CENPE: variants seen among roughly 807,000 people sequenced by gnomAD.
The protein encoded by CENPE is centromere protein E.
Under a neutral mutation model 336.1 loss-of-function variants are expected in CENPE, and 145 were observed. That is an observed-to-expected ratio of 0.43 (90% CI 0.38 to 0.50). The LOEUF (loss-of-function observed/expected upper bound fraction) is 0.50, where lower values mean the gene tolerates loss of function less well. Ranked by LOEUF, CENPE falls within the 20% of genes least tolerant of loss-of-function variation. The pLI is 0.00. For missense variants in CENPE, 2,719 were observed against 3,023.3 expected, an observed-to-expected ratio of 0.90 and a Z score of 2.36; for synonymous variants, 1,013 against 984.8, an observed-to-expected ratio of 1.03 and a Z score of -0.54.
intron 21 of CENPE, among the ~76,000 whole-genome samples, chr4:103,159,583 A>T (rs1754261096): frequency 6.6e-6 from 1 of 151,832 alleles, no homozygotes; most frequent in African/African-American, 2.4e-5. Flanking sequence ...AAAGGCACAT[A>T]ATCAGATTGT....
chr4:103,177,186 G>T, intron 13 of CENPE, 140 bp from the exon 14 acceptor site: 3 of 621,110 alleles, frequency 4.8e-6, no homozygotes, highest in South Asian at 2.5e-5. Context: ...ATTAGTCTAA[G>T]GATATTGCTT....
intron 24 of CENPE, among the ~76,000 whole-genome samples, chr4:103,155,850 T>A (rs1363093971): frequency 6.6e-6 from 1 of 152,190 alleles, no homozygotes; most frequent in Non-Finnish European, 1.5e-5. Context: ...ATCAATTGGA[T>A]CTTACTGAAT....
At chr4:103,145,434 T>C in intron 31 of CENPE, 89 bp downstream of exon 31, 1 of 1,406,322 alleles carries the variant, frequency 7.1e-7, no homozygotes, top group Non-Finnish European at 9.7e-7. Flanking sequence ...CCCAAAACAA[T>C]TAAGCATGCC....
Position 103,130,911 on chromosome 4 carries a change from G to GAAA in CENPE, c.6924+1779_6924+1781dup, listed in dbSNP as rs59305096. On this transcript the variant is annotated intron_variant, in intron 42 of 48. Transcript: ENST00000265148. The stretch of plus-strand genomic sequence containing the variant: ...GTGCTGAATCTGGACTTCTACAAGC[G>GAAA]AAAAAAAAAAAAAAAAGACCTTAAG... Among the ~76,000 whole-genome samples the GAAA allele has an allele frequency of 2.4e-3, 252 of 106,730 alleles. 2 individuals are homozygous for GAAA. Among genetic ancestry groups the GAAA allele is most frequent in the South Asian group, 8.0e-3 (27 of 3,392 alleles). 70.0% of individuals were successfully genotyped at this position (106,730 alleles called of 152,430 possible).
At chr4:103,149,848 G>T (rs1753395793) in intron 26 of CENPE, among the ~76,000 whole-genome samples, 1 of 152,136 alleles carries the variant, frequency 6.6e-6, no homozygotes, top group Non-Finnish European at 1.5e-5. Flanking sequence ...GCCTTCAGAG[G>T]GAATATGGTA....
At position 103,153,032 on chromosome 4, in the gene CENPE, A is replaced by G; in HGVS notation, c.3237+15T>C. 6.4e-7 allele frequency: 1 copy of G among 1,571,306 alleles called. No homozygotes were observed. Among genetic ancestry groups the G allele is most frequent in the South Asian group, 1.2e-5 (1 of 86,004 alleles). The stretch of plus-strand genomic sequence containing the variant: ...GACAAAAAGGTAATGCCAAGTATAC[A>G]GTGCTAAATCCTACCATTTCAATAT... On this transcript the variant is annotated intron_variant, in intron 25 of 48. Transcript: ENST00000265148.
At chr4:103,175,241 A>C (rs1427064507) in intron 15 of CENPE, among the ~76,000 whole-genome samples, 2 of 151,990 alleles carry the variant, frequency 1.3e-5, no homozygotes, top group South Asian at 2.1e-4. Flanking sequence ...GGAAACAGAG[A>C]TATTATTTAT....
At position 103,196,007 on chromosome 4, in the gene CENPE, T is replaced by C; in HGVS notation, c.270A>G (p.Ser90=). 6.2e-7 allele frequency: 1 copy of C among 1,613,750 alleles called. No individual in the cohort carries two copies. The highest frequency in any genetic ancestry group is 8.5e-7 in the Non-Finnish European group (1 of 1,179,738). ...AACCCATCATGGTATATGTTTTTCC[T>C]GAAGCAGTCTGTCCATAGGCAAATA... ...GTIFAYGQTA[S]GKTYTMMGSE... Residue 90 remains serine (S), a synonymous_variant, in exon 4 of 49, where the codon TCA becomes TCG. Transcript: ENST00000265148.
At chr4:103,182,053 C>T (rs1365994603) in intron 11 of CENPE, 4 of 152,110 alleles carry the variant, frequency 2.6e-5, no homozygotes, top group Non-Finnish European at 1.5e-5. Context: ...GAGAAAGCTA[C>T]CCTACTGATA....
At chr4:103,139,248 T>A (rs1440305802) in intron 38 of CENPE, among the ~76,000 whole-genome samples, 2 of 152,146 alleles carry the variant, frequency 1.3e-5, no homozygotes, top group African/African-American at 4.8e-5. Flanking sequence ...TAAAAAAGAT[T>A]TTTACAGATT....
chr4:103,161,279 A>G, intron 19 of CENPE, 28 bp from the exon 20 acceptor site: 1 of 1,602,576 alleles, frequency 6.2e-7, no homozygotes, highest in Non-Finnish European at 8.5e-7. Flanking sequence ...GCAAATGCAC[A>G]AAAATACACT....
At chr4:103,138,477 G>T (rs1438114477) in intron 38 of CENPE, 28 bp from the exon 39 acceptor site, 1 of 1,483,886 alleles carries the variant, frequency 6.7e-7, no homozygotes, top group South Asian at 1.1e-5. Flanking sequence ...AAATAAACAG[G>T]GCTTTTGTCA....
intron 18 of CENPE, 40 bp from the exon 19 acceptor site, chr4:103,161,497 TCA>T: frequency 2.6e-6 from 4 of 1,521,514 alleles, no homozygotes; most frequent in Non-Finnish European, 3.5e-6. Flanking sequence ...AATCTAATTT[TCA>T]CAGAGTTGGA....
intron 24 of CENPE, among the ~76,000 whole-genome samples, chr4:103,153,810 A>G (rs948512063): frequency 7.9e-5 from 12 of 151,850 alleles, no homozygotes; most frequent in African/African-American, 2.7e-4. Context: ...CCTGTCTCCC[A>G]CTCCCTGCAA....
chr4:103,114,803 AAGCTT>A (rs1409632920), intron 45 of CENPE, among the ~76,000 whole-genome samples: 1 of 152,202 alleles, frequency 6.6e-6, no homozygotes, highest in Non-Finnish European at 1.5e-5. Context: ...AGTTCTTTTA[AAGCTT>A]CTGGAGGCCT....
intron 46 of CENPE, among the ~76,000 whole-genome samples, chr4:103,114,235 G>T (rs1749872613): frequency 6.6e-6 from 1 of 152,074 alleles, no homozygotes; most frequent in African/African-American, 2.4e-5. Context: ...AGCAGAGTTC[G>T]TATTTTTCAA....
At chr4:103,150,828 G>A (rs1466762651) in intron 26 of CENPE, among the ~76,000 whole-genome samples, 1 of 152,086 alleles carries the variant, frequency 6.6e-6, no homozygotes, top group Non-Finnish European at 1.5e-5. Context: ...TCTAAGAGAT[G>A]GTAATAGTGA....
intron 8 of CENPE, among the ~76,000 whole-genome samples, chr4:103,187,278 A>T (rs946561875): frequency 6.6e-6 from 1 of 152,066 alleles, no homozygotes; most frequent in Admixed American, 6.6e-5. Context: ...CGTTTTATCA[A>T]ATTCAGGAAA....
In CENPE at chr4:103,188,309, T is replaced by C. The variant is rs1366120957; in HGVS notation, c.694-2448A>G. 1.9e-4 allele frequency among the ~76,000 whole-genome samples: 29 copies of C among 152,172 alleles called. No homozygotes were observed. The East Asian group carries it at 4.0e-3, about 21-fold the overall frequency. The stretch of plus-strand genomic sequence containing the variant: ...ACCAAGCAGACCTAATAGACATCTA[T>C]AGAACTCTCCACCCCAAATCAACAG... On this transcript the variant is annotated intron_variant, in intron 8 of 48. Transcript: ENST00000265148.
Sources: allele counts gnomAD v4.1 joint callset (sites outside exome capture counted in the v4.1 genomes callset), GRCh38; gene constraint gnomAD v4.1.1; transcripts MANE v1.5; gene names NCBI Gene and HGNC (gene_info 2026-07-23, HGNC 2026-07-21).